SP100: variants seen among roughly 807,000 people sequenced by gnomAD.
The protein encoded by SP100 is nuclear autoantigen Sp-100.
In SP100, 84 loss-of-function variants were observed where a neutral mutation model predicts 130.0. The observed-to-expected ratio is 0.65, with a 90% confidence interval of 0.54 to 0.77. SP100 has a LOEUF of 0.77. Among genes scored for constraint, SP100 ranks in the 30% least tolerant of loss-of-function variants. The probability of loss-of-function intolerance (pLI) is 0.00; values close to 1 mark genes in which losing one functional copy is unlikely to be tolerated. For missense variants in SP100, 978 were observed against 1,052.2 expected, an observed-to-expected ratio of 0.93 and a Z score of 0.97; for synonymous variants, 331 against 351.7, an observed-to-expected ratio of 0.94 and a Z score of 0.66.
rs1018351534 is a variant in SP100, at chr2:230,543,770, A to T, written c.*824A>T. The T allele has an allele frequency of 6.6e-6, 1 of 152,294 alleles. No homozygotes were observed. The highest frequency in any genetic ancestry group is 1.5e-5 in the Non-Finnish European group (1 of 68,020). The allele number at this position is 152,294 out of a possible 1,614,324, so 9.4% of individuals were successfully genotyped here. ...ACAGGTTCAATGTTATTCCTATCAA[A>T]CCACCAATGACATTCTTCACAGAAC... On this transcript the variant is annotated 3_prime_UTR_variant, in exon 29 of 29. Transcript: ENST00000340126.
At chr2:230,511,061 C>A in intron 23 of SP100, 64 bp from the exon 24 acceptor site, 3 of 1,100,144 alleles carry the variant, frequency 2.7e-6, no homozygotes, top group South Asian at 2.5e-5. Context: ...GAAGTCTGTT[C>A]AAATGTGGGG....
chr2:230,458,808 C>T (rs1056472256), intron 8 of SP100, among the ~76,000 whole-genome samples: 2 of 151,926 alleles, frequency 1.3e-5, no homozygotes, highest in African/African-American at 4.8e-5. Context: ...TGATATAGCA[C>T]TCACACATCA....
chr2:230,468,905 T>C, intron 13 of SP100, 138 bp from the exon 14 acceptor site: 1 of 515,796 alleles, frequency 1.9e-6, no homozygotes, highest in South Asian at 3.2e-5. Flanking sequence ...TAGTAATCTC[T>C]TTCCCTTAGA....
intron 13 of SP100, among the ~76,000 whole-genome samples, chr2:230,467,480 G>A (rs34542723): frequency 0.071 from 10,823 of 152,250 alleles, 563 homozygotes; most frequent in East Asian, 0.17. Flanking sequence ...CCTGAGACTG[G>A]GTAATTTACA....
chr2:230,441,923 A>T (rs1049626787), intron 2 of SP100, among the ~76,000 whole-genome samples: 11 of 152,124 alleles, frequency 7.2e-5, no homozygotes, highest in African/African-American at 2.2e-4. Flanking sequence ...TTTTCTGACC[A>T]CTTTTCACCT....
intron 26 of SP100, 75 bp downstream of exon 26, chr2:230,541,071 C>G: frequency 6.5e-7 from 1 of 1,535,084 alleles, no homozygotes; most frequent in East Asian, 2.3e-5. Flanking sequence ...TTACAAAGTG[C>G]TCAAGGAATG....
intron 13 of SP100, among the ~76,000 whole-genome samples, chr2:230,467,631 T>C (rs957335580): frequency 6.6e-6 from 1 of 152,120 alleles, no homozygotes; most frequent in Non-Finnish European, 1.5e-5. Flanking sequence ...TATATAACCA[T>C]TCAGATCTTG....
intron 24 of SP100, among the ~76,000 whole-genome samples, chr2:230,524,476 G>A (rs1691334058): frequency 1.3e-5 from 2 of 152,006 alleles, no homozygotes; most frequent in African/African-American, 4.8e-5. Flanking sequence ...AATCAAAACA[G>A]TTGAATCTTC....
In SP100 at chr2:230,460,733, C is replaced by T. The variant is rs2064554784; in HGVS notation, c.821-529C>T. On this transcript the variant is annotated intron_variant, in intron 8 of 28. Coordinates refer to ENST00000340126, the MANE Select transcript of SP100 (RefSeq NM_001080391.2). ...CCGCTTCCCGGGTTCACGCCATTCT[C>T]CTGCCTCAGCCTCCCGAGTAGCTGG... 3.0e-5 allele frequency among the ~76,000 whole-genome samples: 2 copies of T among 65,776 alleles called. 1 individual carries two copies. The highest frequency in any genetic ancestry group is 5.9e-5 in the Non-Finnish European group (2 of 34,166). The allele number at this position is 65,776 out of a possible 152,430, so 43.2% of individuals were successfully genotyped here.
At chr2:230,474,180 A>G (rs2065418314) in intron 16 of SP100, among the ~76,000 whole-genome samples, 1 of 152,234 alleles carries the variant, frequency 6.6e-6, no homozygotes. Flanking sequence ...AAATTGGTGC[A>G]TAAAAGTAAT....
At chr2:230,535,627 G>T (rs149833358) in intron 24 of SP100, among the ~76,000 whole-genome samples, 2 of 152,186 alleles carry the variant, frequency 1.3e-5, no homozygotes, top group East Asian at 3.9e-4. Context: ...TCTGTTTTCT[G>T]CTGGGTGTGT....
intron 24 of SP100, among the ~76,000 whole-genome samples, chr2:230,524,465 T>A (rs1422461326): frequency 1.3e-5 from 2 of 152,140 alleles, no homozygotes; most frequent in Non-Finnish European, 2.9e-5. Context: ...TGTGTTTATT[T>A]AATCAAAACA....
chr2:230,500,814 A>T (rs4972956), intron 19 of SP100, among the ~76,000 whole-genome samples: 25,685 of 152,106 alleles, frequency 0.17, 2,500 homozygotes, highest in Non-Finnish European at 0.22. Flanking sequence ...CAACTACCAT[A>T]CTTGGCCCAA....
At chr2:230,490,615 G>T (rs1439031501) in intron 17 of SP100, among the ~76,000 whole-genome samples, 1 of 152,102 alleles carries the variant, frequency 6.6e-6, no homozygotes, top group Non-Finnish European at 1.5e-5. Context: ...GGGTGTTTTT[G>T]CAGTGGCTGG....
chr2:230,496,079 CCA>C (rs1459877510), intron 18 of SP100, among the ~76,000 whole-genome samples: 1 of 151,988 alleles, frequency 6.6e-6, no homozygotes, highest in Non-Finnish European at 1.5e-5. Context: ...TGGTTATATT[CCA>C]GTTTGTACTT....
At chr2:230,472,244 C>T (rs920977555) in intron 15 of SP100, among the ~76,000 whole-genome samples, 12 of 151,546 alleles carry the variant, frequency 7.9e-5, no homozygotes, top group Non-Finnish European at 1.8e-4. Flanking sequence ...CTGGCTAAAA[C>T]GGTGAAACCC....
chr2:230,540,323 T>C (rs1422167798), intron 25 of SP100, among the ~76,000 whole-genome samples: 4 of 152,186 alleles, frequency 2.6e-5, no homozygotes, highest in Non-Finnish European at 5.9e-5. Flanking sequence ...GGTTGGAGAA[T>C]GAATCTAGGA....
chr2:230,444,115 T>C, intron 3 of SP100, 63 bp from the exon 4 acceptor site: 1 of 1,218,446 alleles, frequency 8.2e-7, no homozygotes, highest in Non-Finnish European at 1.2e-6. Context: ...AGAATTCCTT[T>C]CTAGAGCTCT....
At chr2:230,540,002 G>C (rs994378829) in intron 25 of SP100, among the ~76,000 whole-genome samples, 1 of 152,144 alleles carries the variant, frequency 6.6e-6, no homozygotes. Context: ...GCAGAGCATT[G>C]CCCTTCCATA....
Sources: gnomAD v4.1 joint callset for allele counts (sites outside exome capture counted in the v4.1 genomes callset) on GRCh38, gnomAD v4.1.1 for gene constraint, MANE v1.5 for transcripts, NCBI Gene and HGNC (gene_info 2026-07-23, HGNC 2026-07-21) for gene names.